The following STAM variants were observed in gnomAD, a reference collection of about 807,000 sequenced individuals.
STAM encodes signal transducing adapter molecule 1.
A neutral mutation model predicts 63.4 loss-of-function variants in STAM; 16 were observed. The observed-to-expected ratio is 0.25, with a 90% CI of 0.17 to 0.38. The LOEUF is 0.38. Among genes scored for constraint, STAM ranks in the 10% least tolerant of loss-of-function variants. STAM has a pLI of 1.00. For synonymous variants in STAM, 238 were observed against 223.9 expected, an observed-to-expected ratio of 1.06 and a Z score of -0.56; for missense variants, 636 against 657.1, an observed-to-expected ratio of 0.97 and a Z score of 0.35.
chr10:17,657,833 T>C (rs560929120), intron 1 of STAM, among the ~76,000 whole-genome samples: 1 of 151,564 alleles, frequency 6.6e-6, no homozygotes, highest in Admixed American at 6.6e-5. Flanking sequence ...ATATTAGTAA[T>C]TGGTGTTTTC....
chr10:17,660,405 T>G, intron 1 of STAM, 59 bp from the exon 2 acceptor site: 1 of 1,149,380 alleles, frequency 8.7e-7, no homozygotes, highest in African/African-American at 1.6e-5. Context: ...TAAATGTGAT[T>G]ATGTATCTTT....
At chr10:17,674,618 A>G (rs61842299) in intron 2 of STAM, among the ~76,000 whole-genome samples, 2,910 of 152,264 alleles carry the variant, frequency 0.019, 30 homozygotes, top group Middle Eastern at 0.027. Context: ...TGTACTCCAC[A>G]TGGCTTCTTG....
intron 1 of STAM, among the ~76,000 whole-genome samples, chr10:17,657,550 C>T (rs572202053): frequency 6.6e-6 from 1 of 152,134 alleles, no homozygotes; most frequent in Non-Finnish European, 1.5e-5. Context: ...ATAATTTCTT[C>T]CTTAAATATT....
intron 11 of STAM, 133 bp downstream of exon 11, chr10:17,705,157 G>T (rs1589109150): frequency 1.4e-6 from 1 of 708,464 alleles, no homozygotes. Flanking sequence ...CATATCTTGT[G>T]CTAGATGTGG....
At chr10:17,667,234 C>T (rs1365394297) in intron 2 of STAM, among the ~76,000 whole-genome samples, 1 of 151,826 alleles carries the variant, frequency 6.6e-6, no homozygotes, top group African/African-American at 2.4e-5. Context: ...TCAAGCGATT[C>T]TCCTGTCTCA....
At chr10:17,669,210 A>C (rs909698885) in intron 2 of STAM, among the ~76,000 whole-genome samples, 1 of 152,106 alleles carries the variant, frequency 6.6e-6, no homozygotes, top group East Asian at 1.9e-4. Context: ...CTGATTTGAA[A>C]TATTTCTTTT....
chr10:17,647,335 C>G (rs978793758), intron 1 of STAM, among the ~76,000 whole-genome samples: 5 of 152,182 alleles, frequency 3.3e-5, no homozygotes, highest in Non-Finnish European at 7.3e-5. Context: ...TTTTTGATCT[C>G]TTAAGCATTC....
chr10:17,691,946 A>G (rs782467535), intron 5 of STAM, among the ~76,000 whole-genome samples: 6 of 152,218 alleles, frequency 3.9e-5, no homozygotes, highest in Non-Finnish European at 7.3e-5. Context: ...TGTAGTTGTC[A>G]TGTGTATTAC....
At chr10:17,669,256 T>G (rs1834526861) in intron 2 of STAM, among the ~76,000 whole-genome samples, 1 of 152,098 alleles carries the variant, frequency 6.6e-6, no homozygotes, top group Admixed American at 6.5e-5. Context: ...AAGTCTGTTT[T>G]TCTCTTTTGA....
At chr10:17,692,799 GA>G (rs1835595390) in intron 5 of STAM, among the ~76,000 whole-genome samples, 1 of 152,026 alleles carries the variant, frequency 6.6e-6, no homozygotes, top group Admixed American at 6.6e-5. Context: ...GATCCAAAAG[GA>G]AATGATAACT....
chr10:17,667,237 C>T (rs1405264091), intron 2 of STAM, among the ~76,000 whole-genome samples: 4 of 152,052 alleles, frequency 2.6e-5, no homozygotes, highest in Non-Finnish European at 1.5e-5. Context: ...AGCGATTCTC[C>T]TGTCTCAGTC....
rs1554827292 is a variant in STAM at position 17,695,086 on chromosome 10, A to C, written c.573A>C (p.Ser191=). Residue 191 remains serine, a synonymous_variant, in exon 7 of 14, where the codon TCA becomes TCC. Coordinates refer to ENST00000377524, the MANE Select transcript of STAM (RefSeq NM_003473.4). ...CTCTCAAGGAACAAAGGCAGCAGTC[A>C]ACCACCCTTTCCACTTTGTATCCAA... is the stretch of plus-strand genomic sequence containing the variant. ...ELSLKEQRQQ[S]TTLSTLYPST... 1 of 1,614,082 alleles carries C rather than the reference A, an allele frequency of 6.2e-7. No individual in the cohort carries two copies. Among genetic ancestry groups the C allele is most frequent in the South Asian group, 1.1e-5 (1 of 91,074 alleles).
Position 17,714,919 on chromosome 10 carries a change from T to TAGA in STAM, c.*141_*143dup. 4 of 834,332 alleles carry TAGA rather than the reference T, an allele frequency of 4.8e-6. No individual in the cohort carries two copies. The South Asian group carries it at 6.4e-5, about 13-fold the overall frequency. The allele number at this position is 834,332 out of a possible 1,614,324, so 51.7% of individuals were successfully genotyped here. On this transcript the variant is annotated 3_prime_UTR_variant, in exon 14 of 14. Coordinates refer to ENST00000377524, the MANE Select transcript of STAM (RefSeq NM_003473.4). ...CAACAGGTTCAAATATTCAAGAAGG[T>TAGA]AGAACTCTCCTCAATTTACACTGAC...
chr10:17,704,394 T>C, intron 9 of STAM, 37 bp from the exon 10 acceptor site: 1 of 1,560,888 alleles, frequency 6.4e-7, no homozygotes, highest in Middle Eastern at 1.7e-4. Context: ...TGCCTAAAGG[T>C]TGGTAGCTTT....
chr10:17,714,821 C>A lies in STAM; in HGVS notation c.*41C>A. 6.5e-7 allele frequency: 1 copy of A among 1,533,566 alleles called. No individual in the cohort carries two copies. Among genetic ancestry groups the A allele is most frequent in the East Asian group, 2.2e-5 (1 of 44,512 alleles). 95.0% of individuals were successfully genotyped at this position (1,533,566 alleles called of 1,614,324 possible). On this transcript the variant is annotated 3_prime_UTR_variant, in exon 14 of 14. Transcript: ENST00000377524. Reference sequence around the variant, plus strand: ...TTGGTGGCAGATACCTGCTAAATGCCACTGACAATGTTATGAGATTCATTA... The same window carrying A: ...TTGGTGGCAGATACCTGCTAAATGCAACTGACAATGTTATGAGATTCATTA...
chr10:17,709,020 A>C, intron 13 of STAM, 69 bp downstream of exon 13: 2 of 1,523,780 alleles, frequency 1.3e-6, no homozygotes, highest in Non-Finnish European at 1.8e-6. Context: ...CCAGTTATCT[A>C]TAACTATAAA....
In STAM at chr10:17,705,657, G is replaced by T. The variant is rs1248968519; in HGVS notation, c.1125G>T (p.Met375Ile). The T allele has an allele frequency of 6.2e-7, 1 of 1,613,946 alleles. No individual in the cohort carries two copies. The highest frequency in any genetic ancestry group is 2.2e-5 in the East Asian group (1 of 44,870). The change falls in exon 12 of 14, where the codon ATG becomes ATT. Residue 375 changes from methionine to isoleucine, a missense_variant. Met to Ile is a conservative substitution (Grantham distance 10). Coordinates refer to ENST00000377524, the MANE Select transcript of STAM (RefSeq NM_003473.4). ...CCCTTTCCTTATATACCAAGTTAAT[G>T]AACGAAGATCCGATGTATTCCATGT... ...MEALSLYTKL[M>I]NEDPMYSMYA...
Position 17,650,687 on chromosome 10 carries a change from TC to T in STAM, c.40+6310del, listed in dbSNP as rs564022413. ...TAGCTTCCAGCTGTTCTTCCCTGCT[TC>T]CAGTTTTTCCCTAGTTATTTTCCAG... On this transcript the variant is annotated intron_variant, in intron 1 of 13. Transcript: ENST00000377524. Among the ~76,000 whole-genome samples, 369 of 152,292 alleles carry T rather than the reference TC, an allele frequency of 2.4e-3. 1 individual carries two copies. Among genetic ancestry groups the T allele is most frequent in the Non-Finnish European group, 2.8e-3 (190 of 68,032 alleles).
At chr10:17,712,062 T>C (rs1254204774) in intron 13 of STAM, among the ~76,000 whole-genome samples, 2 of 152,202 alleles carry the variant, frequency 1.3e-5, no homozygotes, top group African/African-American at 4.8e-5. Flanking sequence ...AATTGCATGG[T>C]TTTGCCCCAG....
Sources: allele counts gnomAD v4.1 joint callset (sites outside exome capture counted in the v4.1 genomes callset), GRCh38; gene constraint gnomAD v4.1.1; transcripts MANE v1.5; gene names NCBI Gene and HGNC (gene_info 2026-07-23, HGNC 2026-07-21).